Variants in ACOXL observed in about 807,000 individuals in gnomAD.
ACOXL encodes the protein acyl-coenzyme A oxidase-like protein.
ACOXL carries 70 observed loss-of-function variants against 71.9 expected under a neutral mutation model. The observed-to-expected ratio is 0.97, with a 90% CI of 0.80 to 1.19. The LOEUF (loss-of-function observed/expected upper bound fraction) is 1.19. Among genes scored for constraint, ACOXL ranks in the 50% most tolerant of loss-of-function variants. ACOXL has a pLI of 0.00. For missense variants in ACOXL, 703 were observed against 736.3 expected (o/e 0.95, Z 0.52); for synonymous variants, 253 against 281.6 (o/e 0.90, Z 1.02).
chr2:110,929,936 G>C (rs1178893984), intron 11 of ACOXL, among the ~76,000 whole-genome samples: 1 of 152,240 alleles, frequency 6.6e-6, no homozygotes, highest in Non-Finnish European at 1.5e-5. Context: ...TGGATGTCCA[G>C]GCATAAGTTT....
At chr2:110,827,702 G>T (rs1689326396) in intron 9 of ACOXL, among the ~76,000 whole-genome samples, 1 of 152,086 alleles carries the variant, frequency 6.6e-6, no homozygotes, top group Non-Finnish European at 1.5e-5. Flanking sequence ...GAGCAGAGTG[G>T]CTTAGCTGGA....
At chr2:111,088,133 C>A (rs571567631) in intron 16 of ACOXL, among the ~76,000 whole-genome samples, 1 of 152,166 alleles carries the variant, frequency 6.6e-6, no homozygotes, top group African/African-American at 2.4e-5. Flanking sequence ...ATTAAAAAGT[C>A]AAAAAATAAC....
At chr2:110,819,444 C>G (rs1414564882) in intron 9 of ACOXL, among the ~76,000 whole-genome samples, 1 of 151,904 alleles carries the variant, frequency 6.6e-6, no homozygotes, top group African/African-American at 2.4e-5. Flanking sequence ...AGGCACTGAC[C>G]GAAGTTGGGG....
At chr2:110,966,649 G>A (rs149115945) in intron 12 of ACOXL, among the ~76,000 whole-genome samples, 1 of 152,356 alleles carries the variant, frequency 6.6e-6, no homozygotes, top group African/African-American at 2.4e-5. Context: ...GGATGAAGTG[G>A]GGGAGTTAAT....
intron 2 of ACOXL, among the ~76,000 whole-genome samples, 168 bp from the exon 3 acceptor site, chr2:110,784,564 A>G (rs1683720916): frequency 6.6e-6 from 1 of 152,242 alleles, no homozygotes; most frequent in Non-Finnish European, 1.5e-5. Context: ...AAAAAAGATG[A>G]AAACATTTAC....
At chr2:110,779,942 T>C (rs896127112) in intron 2 of ACOXL, among the ~76,000 whole-genome samples, 2 of 152,112 alleles carry the variant, frequency 1.3e-5, no homozygotes, top group South Asian at 2.1e-4. Flanking sequence ...TAAACGAAAA[T>C]ATACTAATGA....
intron 1 of ACOXL, among the ~76,000 whole-genome samples, chr2:110,762,296 A>G (rs1316984567): frequency 1.3e-5 from 2 of 152,134 alleles, no homozygotes; most frequent in Admixed American, 1.3e-4. Context: ...CATTCTACCA[A>G]TCTTTGTCTT....
chr2:110,860,629 C>G (rs1573876398), intron 10 of ACOXL, among the ~76,000 whole-genome samples: 1 of 152,172 alleles, frequency 6.6e-6, no homozygotes, highest in East Asian at 1.9e-4. Flanking sequence ...CTTAATTCAC[C>G]ACGATGAATC....
chr2:110,812,168 C>T (rs1300981197), intron 9 of ACOXL, among the ~76,000 whole-genome samples: 3 of 152,180 alleles, frequency 2.0e-5, no homozygotes, highest in Non-Finnish European at 4.4e-5. Context: ...GACAACTCTT[C>T]AGGATATAAT....
intron 12 of ACOXL, among the ~76,000 whole-genome samples, chr2:110,975,819 A>G (rs2062419221): frequency 6.6e-6 from 1 of 152,118 alleles, no homozygotes; most frequent in Non-Finnish European, 1.5e-5. Flanking sequence ...AAAAAAAAAA[A>G]AATCCAATGT....
intron 10 of ACOXL, among the ~76,000 whole-genome samples, chr2:110,880,513 A>G (rs1046107094): frequency 1.3e-5 from 2 of 152,210 alleles, no homozygotes; most frequent in African/African-American, 4.8e-5. Context: ...TTGTTCCACC[A>G]TTACACAAAC....
intron 10 of ACOXL, among the ~76,000 whole-genome samples, chr2:110,848,769 A>G (rs1232953800): frequency 6.6e-6 from 1 of 152,124 alleles, no homozygotes; most frequent in Non-Finnish European, 1.5e-5. Context: ...TGCCACACCT[A>G]CACAGTGGTC....
intron 8 of ACOXL, among the ~76,000 whole-genome samples, chr2:110,803,203 A>G (rs758911504): frequency 6.6e-6 from 1 of 152,212 alleles, no homozygotes; most frequent in Non-Finnish European, 1.5e-5. Flanking sequence ...GAAATGCAGG[A>G]AACTTAGAAT....
intron 14 of ACOXL, among the ~76,000 whole-genome samples, chr2:111,011,900 AAAAAAGG>A (rs1553456602): frequency 0.016 from 2,475 of 151,120 alleles, 25 homozygotes; most frequent in South Asian, 0.02. Flanking sequence ...AAAAAAAAAA[AAAAAAGG>A]AGTGTATTAC....
intron 16 of ACOXL, among the ~76,000 whole-genome samples, chr2:111,090,590 G>A (rs2068470335): frequency 6.6e-6 from 1 of 152,202 alleles, no homozygotes; most frequent in Non-Finnish European, 1.5e-5. Flanking sequence ...ACTGTCAACA[G>A]GAGAGCAATT....
chr2:110,900,362 A>G (rs990799860), intron 10 of ACOXL, among the ~76,000 whole-genome samples: 4 of 152,138 alleles, frequency 2.6e-5, no homozygotes, highest in African/African-American at 9.7e-5. Flanking sequence ...ATCGCAGGTA[A>G]TTTTAGAGAC....
chr2:110,765,408 A>G (rs951181397), intron 1 of ACOXL, among the ~76,000 whole-genome samples: 1 of 152,112 alleles, frequency 6.6e-6, no homozygotes, highest in Admixed American at 6.5e-5. Context: ...TCAAAACTGA[A>G]GATATGCATG....
chr2:110,769,226 AAAAGAAAGAAAGAAAG>A (rs10599265), intron 2 of ACOXL, among the ~76,000 whole-genome samples: 36 of 148,616 alleles, frequency 2.4e-4, no homozygotes, highest in Non-Finnish European at 4.7e-4. Flanking sequence ...GCCTCATGAA[AAAAGAAAGAAAGAAAG>A]AAAGAAAGAA....
intron 13 of ACOXL, among the ~76,000 whole-genome samples, chr2:110,988,749 CT>C (rs1417623132): frequency 6.6e-6 from 1 of 152,066 alleles, no homozygotes; most frequent in Non-Finnish European, 1.5e-5. Flanking sequence ...TGACTTTAAA[CT>C]GAATTTTCTC....
Sources: gnomAD v4.1 joint callset for allele counts (sites outside exome capture counted in the v4.1 genomes callset) on GRCh38, gnomAD v4.1.1 for gene constraint, MANE v1.5 for transcripts, NCBI Gene and HGNC (gene_info 2026-07-23, HGNC 2026-07-21) for gene names.